KCNIP4: variants seen among roughly 807,000 people sequenced by gnomAD.
The protein encoded by KCNIP4 is potassium voltage-gated channel interacting protein 4, also known as Kv channel-interacting protein 4.
A neutral mutation model predicts 34.0 loss-of-function variants in KCNIP4; 12 were observed. The observed-to-expected ratio is 0.35, with a 90% confidence interval of 0.23 to 0.57. KCNIP4 has a LOEUF of 0.57. Ranked by LOEUF, KCNIP4 falls within the 20% of genes least tolerant of loss-of-function variation. The probability of loss-of-function intolerance (pLI) is 0.83; values close to 1 mark genes in which losing one functional copy is unlikely to be tolerated. For synonymous variants in KCNIP4, 124 were observed against 102.2 expected (o/e 1.21, Z -1.29); for missense variants, 238 against 311.7 (o/e 0.76, Z 1.78).
chr4:21,934,092 T>C (rs1037849801), intron 1 of KCNIP4, among the ~76,000 whole-genome samples: 12 of 152,172 alleles, frequency 7.9e-5, no homozygotes, highest in Admixed American at 5.9e-4. Context: ...CCTGTGCCCA[T>C]TGTCCTTGGA....
At chr4:20,997,157 A>G (rs1737625779) in intron 1 of KCNIP4, among the ~76,000 whole-genome samples, 1 of 152,192 alleles carries the variant, frequency 6.6e-6, no homozygotes. Flanking sequence ...GACAGGCATG[A>G]TCATGGCAGT....
intron 1 of KCNIP4, among the ~76,000 whole-genome samples, chr4:21,616,198 GAAGTGTTCTTCCTCT>G (rs1166532869): frequency 1.3e-5 from 2 of 152,114 alleles, no homozygotes; most frequent in Admixed American, 1.3e-4. Context: ...CCCATTCCCT[GAAGTGTTCTTCCTCT>G]AATGTTTTTC....
chr4:21,777,325 A>G (rs1172871724), intron 1 of KCNIP4, among the ~76,000 whole-genome samples: 1 of 152,172 alleles, frequency 6.6e-6, no homozygotes, highest in Non-Finnish European at 1.5e-5. Context: ...ACTTACCACA[A>G]ATTTATATTT....
Position 20,834,402 on chromosome 4 carries a change from T to C in KCNIP4, c.288+16141A>G, listed in dbSNP as rs200110466. On this transcript the variant is annotated intron_variant, in intron 3 of 8. Coordinates refer to ENST00000382152, the MANE Select transcript of KCNIP4 (RefSeq NM_025221.6). ...AAGCCAGACAGCAGCAACTCTGCCC[T>C]CATTTACCTCCCATCTCAGAAAACA... is the stretch of plus-strand genomic sequence containing the variant. Among the ~76,000 whole-genome samples, 4 of 152,208 alleles carry C rather than the reference T, an allele frequency of 2.6e-5. No individual in the cohort carries two copies. In the East Asian group the frequency reaches 7.7e-4, roughly 29 times the overall value.
chr4:20,917,830 T>A (rs1187418506), intron 1 of KCNIP4, among the ~76,000 whole-genome samples: 1 of 152,136 alleles, frequency 6.6e-6, no homozygotes, highest in Non-Finnish European at 1.5e-5. Flanking sequence ...TCTAGTCAGC[T>A]AGCGAACACA....
intron 1 of KCNIP4, among the ~76,000 whole-genome samples, chr4:21,644,316 T>A (rs144394798): frequency 1.2e-4 from 18 of 152,196 alleles, no homozygotes; most frequent in Non-Finnish European, 2.5e-4. Flanking sequence ...TAAGGTAAGC[T>A]TACAGAACTC....
At chr4:21,577,339 T>C (rs1740821145) in intron 1 of KCNIP4, among the ~76,000 whole-genome samples, 1 of 152,142 alleles carries the variant, frequency 6.6e-6, no homozygotes, top group African/African-American at 2.4e-5. Flanking sequence ...CTTTTAGAAC[T>C]GCAATTCCAG....
intron 1 of KCNIP4, among the ~76,000 whole-genome samples, chr4:21,937,946 T>A (rs927778792): frequency 1.1e-4 from 17 of 152,152 alleles, no homozygotes; most frequent in Admixed American, 2.0e-4. Flanking sequence ...TTGATTGAAA[T>A]CTATCAGTAG....
chr4:21,256,204 A>G (rs1761051792), intron 1 of KCNIP4, among the ~76,000 whole-genome samples: 1 of 152,212 alleles, frequency 6.6e-6, no homozygotes, highest in South Asian at 2.1e-4. Context: ...GTGCTATATG[A>G]GGAGGACACT....
At chr4:21,918,704 C>T (rs1316694883) in intron 1 of KCNIP4, among the ~76,000 whole-genome samples, 1 of 152,080 alleles carries the variant, frequency 6.6e-6, no homozygotes, top group African/African-American at 2.4e-5. Context: ...AGGGAGAGGC[C>T]ATTCAGCTAA....
intron 1 of KCNIP4, among the ~76,000 whole-genome samples, chr4:21,340,592 C>A (rs1399060684): frequency 2.6e-5 from 4 of 151,774 alleles, no homozygotes; most frequent in Non-Finnish European, 5.9e-5. Flanking sequence ...CTTCTAAGGG[C>A]ATCTAAAGGG....
intron 1 of KCNIP4, among the ~76,000 whole-genome samples, chr4:21,302,659 T>A (rs1711873291): frequency 6.6e-6 from 1 of 152,186 alleles, no homozygotes; most frequent in African/African-American, 2.4e-5. Context: ...CAACTTATTT[T>A]AAAATTAAAT....
At chr4:21,907,362 C>T (rs1026238512) in intron 1 of KCNIP4, among the ~76,000 whole-genome samples, 1 of 152,156 alleles carries the variant, frequency 6.6e-6, no homozygotes, top group African/African-American at 2.4e-5. Context: ...TGTTATGAGG[C>T]AGTACGAAAG....
chr4:21,519,637 A>ATGT (rs1735258818), intron 1 of KCNIP4, among the ~76,000 whole-genome samples: 2 of 76,276 alleles, frequency 2.6e-5, no homozygotes, highest in African/African-American at 5.5e-5. Context: ...TATATACACA[A>ATGT]ATGTGTGTGT....
intron 1 of KCNIP4, among the ~76,000 whole-genome samples, chr4:21,467,166 G>C (rs1425743514): frequency 6.6e-6 from 1 of 151,300 alleles, no homozygotes; most frequent in African/African-American, 2.4e-5. Flanking sequence ...TTTCTTCTGG[G>C]TTTTGGAATT....
intron 1 of KCNIP4, among the ~76,000 whole-genome samples, chr4:21,079,776 G>C (rs573786284): frequency 1.3e-5 from 2 of 151,872 alleles, no homozygotes; most frequent in East Asian, 1.9e-4. Flanking sequence ...AAGTGAAAAA[G>C]GGAGGCAGGA....
chr4:21,125,180 T>A (rs1163766263), intron 1 of KCNIP4, among the ~76,000 whole-genome samples: 1 of 143,216 alleles, frequency 7.0e-6, no homozygotes, highest in African/African-American at 2.7e-5. Context: ...TTTTTTATTT[T>A]ATTTTGTCTT....
chr4:21,166,651 G>A (rs549114586), intron 1 of KCNIP4, among the ~76,000 whole-genome samples: 9 of 152,204 alleles, frequency 5.9e-5, no homozygotes, highest in Admixed American at 1.3e-4. Context: ...CAAGAAGTGA[G>A]TGGATGGCCT....
intron 1 of KCNIP4, among the ~76,000 whole-genome samples, chr4:21,375,814 G>A (rs1383859904): frequency 3.9e-5 from 6 of 151,990 alleles, no homozygotes; most frequent in Admixed American, 1.3e-4. Context: ...TGATTGGCCC[G>A]CCTCAGCCTC....
Sources: gnomAD v4.1 joint callset for allele counts (sites outside exome capture counted in the v4.1 genomes callset) on GRCh38, gnomAD v4.1.1 for gene constraint, MANE v1.5 for transcripts, NCBI Gene and HGNC (gene_info 2026-07-23, HGNC 2026-07-21) for gene names.